The following DNAH8 variants were observed in gnomAD, a reference collection of about 807,000 sequenced individuals.
The protein encoded by DNAH8 is axonemal beta dynein heavy chain 8.
A neutral mutation model predicts 562.1 loss-of-function variants in DNAH8; 382 were observed. That is an observed-to-expected ratio of 0.68 (90% confidence interval 0.63 to 0.74). DNAH8 has a LOEUF of 0.74. DNAH8 is among the 30% of genes least tolerant of loss of function. The pLI is 0.00. For synonymous variants in DNAH8, 1,881 were observed against 1,919.4 expected (o/e 0.98, Z 0.52); for missense variants, 5,203 against 5,620.4 (o/e 0.93, Z 2.37).
In DNAH8 at chr6:38,931,555, G is replaced by A. The variant is rs16891271; in HGVS notation, c.11275-256G>A. The stretch of plus-strand genomic sequence containing the variant: ...ATGTCTAAGTTTTCCTTTATTCACC[G>A]TTTGTTTTGGATAACTTTTTCATTT... On this transcript the variant is annotated intron_variant, in intron 75 of 92. Transcript: ENST00000327475. Among the ~76,000 whole-genome samples the A allele has an allele frequency of 0.091, 13,803 of 152,022 alleles. 817 individuals are homozygous for A. The highest frequency in any genetic ancestry group is 0.28 in the East Asian group (1,458 of 5,168).
At chr6:38,884,279 G>A (rs959836235) in intron 56 of DNAH8, among the ~76,000 whole-genome samples, 17 of 151,782 alleles carry the variant, frequency 1.1e-4, no homozygotes, top group African/African-American at 4.8e-5. Flanking sequence ...ATGTTGGTGT[G>A]CTGCACCCAT....
intron 26 of DNAH8, 72 bp downstream of exon 26, chr6:38,815,729 A>G: frequency 4.6e-6 from 6 of 1,315,616 alleles, no homozygotes; most frequent in Non-Finnish European, 6.2e-6. Context: ...TTTTTAAATT[A>G]TTTTATATGT....
At chr6:38,791,999 C>T (rs1342392645) in intron 21 of DNAH8, among the ~76,000 whole-genome samples, 3 of 152,188 alleles carry the variant, frequency 2.0e-5, no homozygotes, top group Non-Finnish European at 4.4e-5. Context: ...ACATACTTTC[C>T]CTCTAAGTCA....
intron 6 of DNAH8, among the ~76,000 whole-genome samples, chr6:38,737,573 T>G (rs998494936): frequency 3.3e-5 from 5 of 151,422 alleles, no homozygotes; most frequent in Admixed American, 3.3e-4. Flanking sequence ...ATTGTTAAAA[T>G]GTACAATTTT....
intron 91 of DNAH8, among the ~76,000 whole-genome samples, chr6:39,024,511 A>C (rs907440359): frequency 7.2e-5 from 11 of 152,154 alleles, no homozygotes; most frequent in Admixed American, 3.9e-4. Flanking sequence ...TTTTACTGCT[A>C]AAGTATGGGA....
chr6:38,800,767 C>T (rs957859864), intron 21 of DNAH8, among the ~76,000 whole-genome samples: 1 of 152,160 alleles, frequency 6.6e-6, no homozygotes, highest in African/African-American at 2.4e-5. Flanking sequence ...TCTGCCTCCC[C>T]CTCAAGTGCC....
intron 82 of DNAH8, among the ~76,000 whole-genome samples, chr6:38,959,096 C>G (rs1762451831): frequency 1.3e-5 from 2 of 151,904 alleles, no homozygotes; most frequent in Admixed American, 1.3e-4. Context: ...TGATAAAAAC[C>G]CTAAACTAAT....
At position 38,870,319 on chromosome 6, in the gene DNAH8, A is replaced by G. The variant is rs543243372; in HGVS notation, c.6829-82A>G. On this transcript the variant is annotated intron_variant, in intron 48 of 92. Coordinates refer to ENST00000327475, the MANE Select transcript of DNAH8 (RefSeq NM_001206927.2). ...TAAATGGTTCTCTGGGGATGAAGTG[A>G]TAAGTACTATGCACATCCCAGCTAG... 4.7e-5 allele frequency: 58 copies of G among 1,246,124 alleles called. No individual in the cohort carries two copies. The African/African-American group carries it at 6.7e-4, about 14-fold the overall frequency. The allele number at this position is 1,246,124 out of a possible 1,614,324, so 77.2% of individuals were successfully genotyped here.
chr6:38,808,640 C>T lies in DNAH8; in HGVS notation c.3257+924C>T, dbSNP rs116044318. Among the ~76,000 whole-genome samples, 740 of 152,262 alleles carry T rather than the reference C, an allele frequency of 4.9e-3. 10 individuals carry two copies. The highest frequency in any genetic ancestry group is 0.017 in the African/African-American group (713 of 41,532). Reference sequence around the variant, plus strand: ...ATTCTCCAATAAAGACATATGCACACGTATGTTTACTGTGGCAATGTTCAC... The same window carrying T: ...ATTCTCCAATAAAGACATATGCACATGTATGTTTACTGTGGCAATGTTCAC... On this transcript the variant is annotated intron_variant, in intron 24 of 92. Coordinates refer to ENST00000327475, the MANE Select transcript of DNAH8 (RefSeq NM_001206927.2).
At chr6:38,968,320 T>C (rs9366987) in intron 82 of DNAH8, among the ~76,000 whole-genome samples, 36,653 of 152,132 alleles carry the variant, frequency 0.24, 5,519 homozygotes, top group Non-Finnish European at 0.34. Context: ...TGTAAAACTT[T>C]GTGCTTCAGA....
intron 9 of DNAH8, among the ~76,000 whole-genome samples, chr6:38,753,482 A>G (rs979966996): frequency 3.3e-5 from 5 of 152,218 alleles, no homozygotes; most frequent in African/African-American, 1.2e-4. Context: ...GTAGCTCTTG[A>G]TGTGAAAAAA....
chr6:39,018,477 C>T (rs1379023283), intron 91 of DNAH8, among the ~76,000 whole-genome samples: 3 of 152,206 alleles, frequency 2.0e-5, no homozygotes, highest in Non-Finnish European at 4.4e-5. Context: ...TTCTCGGCAA[C>T]TTCTGTCCTT....
At chr6:38,939,870 A>G (rs1250595741) in intron 79 of DNAH8, among the ~76,000 whole-genome samples, 2 of 152,248 alleles carry the variant, frequency 1.3e-5, no homozygotes, top group African/African-American at 2.4e-5. Context: ...AGAGGTAGAA[A>G]TGAGGAAAAC....
At chr6:38,803,113 A>G in intron 21 of DNAH8, 66 bp from the exon 22 acceptor site, 2 of 1,112,922 alleles carry the variant, frequency 1.8e-6, no homozygotes, top group Non-Finnish European at 2.5e-6. Flanking sequence ...TTAAAGTCAT[A>G]GGACTAATTT....
chr6:38,872,613 G>T lies in DNAH8; in HGVS notation c.7068G>T (p.Thr2356=), dbSNP rs760793116. 1.8e-5 allele frequency: 29 copies of T among 1,613,948 alleles called. No homozygotes were observed. The African/African-American group carries it at 2.8e-4, about 16-fold the overall frequency. The change falls in exon 50 of 93, where the codon ACG becomes ACT. Residue 2356 remains threonine (T), a synonymous_variant. Transcript: ENST00000327475. The part of the protein sequence containing the change: ...PSGSGKTTVI[T]ILMKAQTECG... ...GTTCTGGAAAGACAACCGTTATCAC[G>T]ATTCTAATGAAGGCGCAAACAGAAT...
intron 85 of DNAH8, among the ~76,000 whole-genome samples, chr6:38,981,366 T>C (rs923457737): frequency 2.0e-5 from 3 of 152,202 alleles, no homozygotes; most frequent in Non-Finnish European, 4.4e-5. Context: ...TAAAATGCTC[T>C]CTGGAATATC....
chr6:38,932,988 C>G (rs967051867), intron 76 of DNAH8: 1 of 152,280 alleles, frequency 6.6e-6, no homozygotes, highest in Admixed American at 6.5e-5. Flanking sequence ...ATCTTGGTTT[C>G]CAACAAACCT....
chr6:38,887,211 T>C (rs1372608964), intron 57 of DNAH8, among the ~76,000 whole-genome samples: 1 of 152,194 alleles, frequency 6.6e-6, no homozygotes, highest in Non-Finnish European at 1.5e-5. Context: ...AAAATAGGCT[T>C]GTTGAAAGTT....
intron 79 of DNAH8, among the ~76,000 whole-genome samples, chr6:38,943,677 G>T (rs1783631611): frequency 1.3e-5 from 2 of 152,010 alleles, no homozygotes; most frequent in African/African-American, 2.4e-5. Context: ...TCTTTCTTTT[G>T]TCATAGACTC....
Sources: allele counts gnomAD v4.1 joint callset (sites outside exome capture counted in the v4.1 genomes callset), GRCh38; gene constraint gnomAD v4.1.1; transcripts MANE v1.5; gene names NCBI Gene and HGNC (gene_info 2026-07-23, HGNC 2026-07-21).